The following LMF1 variants were observed in gnomAD, a reference collection of about 807,000 sequenced individuals.
LMF1 encodes the protein transmembrane protein 112.
Under a neutral mutation model 60.6 loss-of-function variants are expected in LMF1, and 68 were observed. The observed-to-expected ratio is 1.12, with a 90% CI of 0.92 to 1.37. LMF1 has a LOEUF of 1.37. LMF1 is among the 40% of genes most tolerant of loss of function. The probability of loss-of-function intolerance (pLI) is 0.00; values close to 1 mark genes in which losing one functional copy is unlikely to be tolerated. For synonymous variants in LMF1, 418 were observed against 324.7 expected (o/e 1.29, Z -3.09); for missense variants, 948 against 767.2 (o/e 1.24, Z -2.78).
At chr16:864,657 A>C (rs2069561888) in intron 10 of LMF1, among the ~76,000 whole-genome samples, 1 of 149,392 alleles carries the variant, frequency 6.7e-6, no homozygotes, top group Non-Finnish European at 1.5e-5. Context: ...TATTTAAGTT[A>C]CTATCTTTTT....
chr16:908,464 T>G (rs898641102), intron 4 of LMF1, among the ~76,000 whole-genome samples: 1 of 151,064 alleles, frequency 6.6e-6, no homozygotes, highest in Non-Finnish European at 1.5e-5. Flanking sequence ...CACCCACCCA[T>G]GTTTCCCTCC....
At chr16:949,385 T>A (rs1309155803) in intron 2 of LMF1, among the ~76,000 whole-genome samples, 1 of 119,440 alleles carries the variant, frequency 8.4e-6, no homozygotes. Context: ...AATGACAGAG[T>A]CAGAGACAAC....
chr16:911,293 C>T (rs941114890), intron 3 of LMF1, among the ~76,000 whole-genome samples: 4 of 152,078 alleles, frequency 2.6e-5, no homozygotes, highest in African/African-American at 7.2e-5. Flanking sequence ...GGGCCTAGGT[C>T]GGGACTTCCT....
rs1161188150 is a variant in LMF1 at position 954,422 on chromosome 16, G to T, written c.438C>A (p.Ala146=). The T allele has an allele frequency of 3.1e-6, 5 of 1,613,044 alleles. No individual in the cohort carries two copies. The highest frequency in any genetic ancestry group is 1.1e-5 in the South Asian group (1 of 90,924). Residue 146 remains alanine (A), a synonymous_variant, in exon 2 of 11, where the codon GCC becomes GCA. Transcript: ENST00000262301. ...ISSFVLITGC[A]NMLLMAALWG... ...ACAGGGCAGCCATGAGAAGCATGTT[G>T]GCGCAGCCCGTGATCAGTACGAAAG... is the stretch of plus-strand genomic sequence containing the variant.
chr16:974,533 G>T (rs2073099691), upstream of LMF1, among the ~76,000 whole-genome samples: 1 of 152,240 alleles, frequency 6.6e-6, no homozygotes, highest in Admixed American at 6.5e-5. Context: ...AGGAGAATGG[G>T]GAGGAAGGGA....
At chr16:922,594 G>C (rs2071464127) in intron 3 of LMF1, among the ~76,000 whole-genome samples, 1 of 148,986 alleles carries the variant, frequency 6.7e-6, no homozygotes, top group Non-Finnish European at 1.5e-5. Context: ...AGTCGCCTCG[G>C]TTTTCTGGTG....
At chr16:955,989 T>C (rs111763385) in intron 1 of LMF1, among the ~76,000 whole-genome samples, 3,511 of 40,840 alleles carry the variant, frequency 0.086, 23 homozygotes, top group African/African-American at 0.24. Context: ...AGTTCACGTC[T>C]CACGGCGCCC....
chr16:862,177 ATT>A (rs60103923), intron 10 of LMF1, among the ~76,000 whole-genome samples: 77 of 142,720 alleles, frequency 5.4e-4, no homozygotes, highest in African/African-American at 1.5e-3. Flanking sequence ...CTATTTAGTA[ATT>A]TTTTTTTTTT....
intron 3 of LMF1, chr16:931,677 G>A (rs1291852484): frequency 1.6e-6 from 2 of 1,287,122 alleles, no homozygotes; most frequent in Non-Finnish European, 2.0e-6. Flanking sequence ...TCCAAGATCA[G>A]GGAAGGGAAG....
At chr16:975,872 A>G (rs2073127868), upstream of LMF1, 3 of 454,014 alleles carry the variant, frequency 6.6e-6, no homozygotes, top group Non-Finnish European at 1.3e-5. Context: ...ATTTCGAGAA[A>G]GCAGGTTTTC....
chr16:933,551 A>ATCTC, intron 3 of LMF1: 11 of 176,434 alleles, frequency 6.2e-5, no homozygotes, highest in South Asian at 2.7e-4. Flanking sequence ...CCTGAGTGCG[A>ATCTC]GGCCCAGGCC....
chr16:952,989 A>G (rs1487677942), intron 2 of LMF1, among the ~76,000 whole-genome samples: 500 of 42,482 alleles, frequency 0.012, 81 homozygotes, highest in African/African-American at 0.029. Context: ...CCTCCTACAT[A>G]TCCACACAGA....
At position 858,970 on chromosome 16, in the gene LMF1, T is replaced by TGCCACGGGACGC. The variant is rs2069319315; in HGVS notation, c.1530-4265_1530-4264insGCGTCCCGTGGC. On this transcript the variant is annotated intron_variant, in intron 10 of 10. Transcript: ENST00000262301. ...GTGTCACGGGACGGGTGTGCAGTGG[T>TGCCACGGGACGC]GTCACGGGACGGGTGTGCAGTGGTG... Among the ~76,000 whole-genome samples, 3 of 82,652 alleles carry TGCCACGGGACGC rather than the reference T, an allele frequency of 3.6e-5. 1 individual carries two copies. The highest frequency in any genetic ancestry group is 2.3e-4 in the African/African-American group (3 of 13,208). The allele number at this position is 82,652 out of a possible 152,430, so 54.2% of individuals were successfully genotyped here.
intron 8 of LMF1, among the ~76,000 whole-genome samples, chr16:870,510 G>A (rs1321145525): frequency 6.6e-6 from 1 of 152,214 alleles, no homozygotes; most frequent in Admixed American, 6.5e-5. Flanking sequence ...TGGTGACCTC[G>A]GGCCCTGCCC....
chr16:876,830 A>G (rs224169), intron 6 of LMF1, among the ~76,000 whole-genome samples: 123,472 of 151,962 alleles, frequency 0.81, 52,001 homozygotes, highest in Non-Finnish European at 0.93. Flanking sequence ...CTGAGGAAAC[A>G]GAGGATCTTC....
chr16:953,192 C>T (rs867751363), intron 2 of LMF1, among the ~76,000 whole-genome samples: 5 of 83,966 alleles, frequency 6.0e-5, no homozygotes, highest in East Asian at 6.6e-4. Context: ...CCAAACCAGC[C>T]TCCTACATGT....
At chr16:971,975 C>T (rs1046841156), upstream of LMF1, among the ~76,000 whole-genome samples, 1 of 152,222 alleles carries the variant, frequency 6.6e-6, no homozygotes, top group South Asian at 2.1e-4. Flanking sequence ...TTTTGCCTCT[C>T]TAGCTTTCCT....
chr16:948,983 A>G (rs71380214), intron 2 of LMF1, among the ~76,000 whole-genome samples: 1 of 86,720 alleles, frequency 1.2e-5, no homozygotes, highest in Non-Finnish European at 2.2e-5. Context: ...AGTCAACGAC[A>G]GAGTCAGCCA....
At chr16:979,756 T>C (rs1488398324) in intron 1 of LMF1, 1 of 454,128 alleles carries the variant, frequency 2.2e-6, no homozygotes, top group Admixed American at 2.3e-5. Flanking sequence ...GAGTGGGCGA[T>C]GTCTGCTCTC....
Sources: gnomAD v4.1 joint callset for allele counts (sites outside exome capture counted in the v4.1 genomes callset) on GRCh38, gnomAD v4.1.1 for gene constraint, MANE v1.5 for transcripts, NCBI Gene and HGNC (gene_info 2026-07-23, HGNC 2026-07-21) for gene names.